Variants in FARS2 observed in about 807,000 individuals in gnomAD.
FARS2 encodes the protein phenylalanyl-tRNA synthetase 2, mitochondrial, also known as phenylalanine--tRNA ligase, mitochondrial.
Under a neutral mutation model 46.4 loss-of-function variants are expected in FARS2, and 40 were observed. That is an observed-to-expected ratio of 0.86 (90% CI 0.67 to 1.12). FARS2 has a LOEUF of 1.12. FARS2 is among the 50% of genes most tolerant of loss of function. FARS2 has a pLI of 0.00. For synonymous variants in FARS2, 234 were observed against 214.9 expected, an observed-to-expected ratio of 1.09 and a Z score of -0.78; for missense variants, 513 against 567.9, an observed-to-expected ratio of 0.90 and a Z score of 0.98.
intron 4 of FARS2, among the ~76,000 whole-genome samples, chr6:5,539,002 G>A (rs1019274353): frequency 3.3e-5 from 5 of 152,030 alleles, no homozygotes; most frequent in Admixed American, 1.3e-4. Flanking sequence ...TTATGTGCCC[G>A]CGGGAATGAC....
intron 3 of FARS2, among the ~76,000 whole-genome samples, chr6:5,411,440 C>T (rs1281157445): frequency 1.3e-5 from 2 of 152,200 alleles, no homozygotes. Flanking sequence ...TATCCAATTA[C>T]ATTCTGGGTA....
rs568689006 is a variant in FARS2 at position 5,605,695 on chromosome 6, C to G, written c.1066-7474C>G. 8.5e-5 allele frequency among the ~76,000 whole-genome samples: 13 copies of G among 152,136 alleles called. No homozygotes were observed. In the South Asian group the frequency reaches 2.7e-3, roughly 32 times the overall value. On this transcript the variant is annotated intron_variant, in intron 5 of 6. Coordinates refer to ENST00000274680, the MANE Select transcript of FARS2 (RefSeq NM_006567.5). Reference sequence around the variant, plus strand: ...TTGGGGTGTCAGCCATCCAAATCAGCAATCAGAATGTGAATTCACTGGAGA... The same window carrying G: ...TTGGGGTGTCAGCCATCCAAATCAGGAATCAGAATGTGAATTCACTGGAGA...
At chr6:5,646,159 T>C (rs900841199) in intron 6 of FARS2, among the ~76,000 whole-genome samples, 1 of 152,062 alleles carries the variant, frequency 6.6e-6, no homozygotes, top group African/African-American at 2.4e-5. Context: ...AGATACAGGG[T>C]AAAAATGGTG....
chr6:5,473,749 C>A (rs1765951291), intron 4 of FARS2, among the ~76,000 whole-genome samples: 1 of 152,092 alleles, frequency 6.6e-6, no homozygotes, highest in African/African-American at 2.4e-5. Context: ...TTGTTACTTG[C>A]ATTTTTACCT....
intron 4 of FARS2, among the ~76,000 whole-genome samples, chr6:5,496,712 A>G (rs1257217528): frequency 6.6e-6 from 1 of 152,124 alleles, no homozygotes; most frequent in African/African-American, 2.4e-5. Context: ...AAATTGGATT[A>G]GGGCCCATCT....
At chr6:5,405,462 G>C (rs1248043253) in intron 3 of FARS2, among the ~76,000 whole-genome samples, 4 of 143,128 alleles carry the variant, frequency 2.8e-5, no homozygotes, top group African/African-American at 1.0e-4. Flanking sequence ...ATGAGGACGT[G>C]ATCAGTGGAG....
intron 4 of FARS2, among the ~76,000 whole-genome samples, chr6:5,434,095 C>G (rs1252878599): frequency 6.9e-6 from 1 of 145,866 alleles, no homozygotes; most frequent in Admixed American, 7.0e-5. Flanking sequence ...AAACTGTACA[C>G]ATAAAAATGA....
rs145713758 is a variant in FARS2, at chr6:5,349,425, A to C, written c.-21-19125A>C. 8.9e-4 allele frequency among the ~76,000 whole-genome samples: 136 copies of C among 152,346 alleles called. 1 individual carries two copies. The highest frequency in any genetic ancestry group is 3.2e-3 in the African/African-American group (132 of 41,588). On this transcript the variant is annotated intron_variant, in intron 1 of 6. Transcript: ENST00000274680. Reference sequence around the variant, plus strand: ...CCTAATTGACTTGTAGGTTTAATTCAATTCATATGAAAATATCAGCAAAGT... The same window carrying C: ...CCTAATTGACTTGTAGGTTTAATTCCATTCATATGAAAATATCAGCAAAGT...
chr6:5,298,862 C>CAA (rs771852149), intron 1 of FARS2, among the ~76,000 whole-genome samples: 90 of 74,398 alleles, frequency 1.2e-3, no homozygotes, highest in East Asian at 3.1e-3. Context: ...AACTCCATCT[C>CAA]AAAAAAAAAA....
intron 4 of FARS2, among the ~76,000 whole-genome samples, chr6:5,440,975 G>A (rs940636191): frequency 2.0e-5 from 3 of 150,128 alleles, no homozygotes; most frequent in Admixed American, 2.0e-4. Context: ...AGGCTGGAGT[G>A]CAGTGGCACA....
chr6:5,698,898 T>C (rs1758258287), intron 6 of FARS2, among the ~76,000 whole-genome samples: 1 of 152,178 alleles, frequency 6.6e-6, no homozygotes, highest in African/African-American at 2.4e-5. Flanking sequence ...TCTCTCTCGG[T>C]TGTTCCTGGG....
chr6:5,371,266 A>G (rs1388563826), intron 2 of FARS2: 2 of 732,082 alleles, frequency 2.7e-6, no homozygotes, highest in South Asian at 6.2e-5. Context: ...TCTTAACTCT[A>G]AACAAAATGT....
chr6:5,627,829 C>T lies in FARS2; in HGVS notation c.1217+14509C>T, dbSNP rs1014448072. Among the ~76,000 whole-genome samples, 4 of 152,200 alleles carry T rather than the reference C, an allele frequency of 2.6e-5. No homozygotes were observed. In the South Asian group the frequency reaches 8.3e-4, roughly 32 times the overall value. On this transcript the variant is annotated intron_variant, in intron 6 of 6. Coordinates refer to ENST00000274680, the MANE Select transcript of FARS2 (RefSeq NM_006567.5). ...ACTTGATATATAGGCCACAACTTAACCTCAGTTGGCAGTGTTTTCCAGCTA... is the reference window on the plus strand; with the variant it reads ...ACTTGATATATAGGCCACAACTTAATCTCAGTTGGCAGTGTTTTCCAGCTA...
At chr6:5,449,422 A>G (rs535732565) in intron 4 of FARS2, among the ~76,000 whole-genome samples, 23 of 151,934 alleles carry the variant, frequency 1.5e-4, no homozygotes, top group African/African-American at 5.5e-4. Flanking sequence ...ATGTGTATAT[A>G]TGAAAATTAT....
At chr6:5,734,578 A>G (rs1287574848) in intron 6 of FARS2, among the ~76,000 whole-genome samples, 1 of 152,224 alleles carries the variant, frequency 6.6e-6, no homozygotes, top group Non-Finnish European at 1.5e-5. Context: ...GATGATGGTG[A>G]TGATGACAGG....
rs183963812 is a variant in FARS2, at chr6:5,385,464, C to G, written c.612+16282C>G. ...TTGAGACGGGGTCTTGCTCTGTCAC[C>G]AGGCTGGAATGCAGTGGCATGACCT... On this transcript the variant is annotated intron_variant, in intron 2 of 6. Transcript: ENST00000274680. Among the ~76,000 whole-genome samples, 36 of 150,876 alleles carry G rather than the reference C, an allele frequency of 2.4e-4. No individual in the cohort carries two copies. The East Asian group carries it at 6.4e-3, about 27-fold the overall frequency.
At chr6:5,495,601 C>T (rs985889085) in intron 4 of FARS2, among the ~76,000 whole-genome samples, 1 of 152,258 alleles carries the variant, frequency 6.6e-6, no homozygotes, top group East Asian at 1.9e-4. Context: ...CCTAATGGAA[C>T]ATCAGCCCTT....
intron 1 of FARS2, among the ~76,000 whole-genome samples, chr6:5,333,969 C>CGTTTT (rs1235064169): frequency 1.3e-5 from 2 of 152,198 alleles, no homozygotes; most frequent in Non-Finnish European, 2.9e-5. Context: ...GTTCTTCCTC[C>CGTTTT]TAAACCTCCA....
intron 6 of FARS2, among the ~76,000 whole-genome samples, chr6:5,673,483 G>C (rs1561791799): frequency 6.6e-6 from 1 of 152,196 alleles, no homozygotes; most frequent in Non-Finnish European, 1.5e-5. Flanking sequence ...GGGTTAGCAA[G>C]GATACGATTA....
Sources: gnomAD v4.1 joint callset for allele counts (sites outside exome capture counted in the v4.1 genomes callset) on GRCh38, gnomAD v4.1.1 for gene constraint, MANE v1.5 for transcripts, NCBI Gene and HGNC (gene_info 2026-07-23, HGNC 2026-07-21) for gene names.